Variants in ZEB1 observed in about 807,000 individuals in gnomAD.
The protein encoded by ZEB1 is zinc finger E-box-binding homeobox 1.
A neutral mutation model predicts 84.9 loss-of-function variants in ZEB1; 21 were observed. The observed-to-expected ratio is 0.25, with a 90% CI of 0.18 to 0.36. The LOEUF (loss-of-function observed/expected upper bound fraction) is 0.36, where lower values mean the gene tolerates loss of function less well. Ranked by LOEUF, ZEB1 falls within the 10% of genes least tolerant of loss-of-function variation. The pLI is 1.00. For synonymous variants in ZEB1, 420 were observed against 471.1 expected (o/e 0.89, Z 1.41); for missense variants, 1,104 against 1,330.2 (o/e 0.83, Z 2.65).
At chr10:31,403,004 G>T (rs1032400201) in intron 1 of ZEB1, among the ~76,000 whole-genome samples, 1 of 152,004 alleles carries the variant, frequency 6.6e-6, no homozygotes, top group African/African-American at 2.4e-5. Context: ...AAGAAATTCA[G>T]TACAAATATA....
At position 31,415,935 on chromosome 10, in the gene ZEB1, G is replaced by A. The variant is rs550812374; in HGVS notation, c.59-45102G>A. Among the ~76,000 whole-genome samples the A allele has an allele frequency of 1.2e-3, 185 of 152,108 alleles. 1 individual carries two copies. Among genetic ancestry groups the A allele is most frequent in the Admixed American group, 1.8e-3 (28 of 15,264 alleles). On this transcript the variant is annotated intron_variant, in intron 1 of 8. Coordinates refer to ENST00000424869, the MANE Select transcript of ZEB1 (RefSeq NM_001174096.2). ...TTGACATCCAAAAATTTAAGAGAGC[G>A]TTAGAACATGGGATATCTAATTGTT...
chr10:31,524,480 A>G lies in ZEB1; in HGVS notation c.2785+367A>G, dbSNP rs780205905. 5.9e-5 allele frequency among the ~76,000 whole-genome samples: 9 copies of G among 152,146 alleles called. 1 individual carries two copies. The highest frequency in any genetic ancestry group is 1.3e-4 in the Non-Finnish European group (9 of 68,020). On this transcript the variant is annotated intron_variant, in intron 8 of 8. Coordinates refer to ENST00000424869, the MANE Select transcript of ZEB1 (RefSeq NM_001174096.2). ...CACCTCGGCCTCCCAAAGTGCTGGT[A>G]TTACAGGCATGAGCCACCACGCTTG...
At chr10:31,440,556 G>C (rs1292900027) in intron 1 of ZEB1, among the ~76,000 whole-genome samples, 1 of 152,142 alleles carries the variant, frequency 6.6e-6, no homozygotes, top group African/African-American at 2.4e-5. Context: ...ATTCTGGCCA[G>C]GACAATCAGG....
At chr10:31,356,610 G>A (rs949049458) in intron 1 of ZEB1, among the ~76,000 whole-genome samples, 8 of 152,108 alleles carry the variant, frequency 5.3e-5, no homozygotes, top group African/African-American at 1.9e-4. Context: ...AAACATTTTG[G>A]AAACAGACTT....
intron 1 of ZEB1, among the ~76,000 whole-genome samples, chr10:31,439,001 A>G (rs1011942708): frequency 6.6e-6 from 1 of 152,222 alleles, no homozygotes. Flanking sequence ...TTCTTTGCAC[A>G]TTTAAAATAT....
chr10:31,489,143 C>G (rs1018934935), intron 2 of ZEB1, among the ~76,000 whole-genome samples: 1 of 151,140 alleles, frequency 6.6e-6, no homozygotes, highest in African/African-American at 2.4e-5. Flanking sequence ...TTTTAAAGCT[C>G]TGTTGTTAAA....
chr10:31,406,135 C>G (rs971393278), intron 1 of ZEB1, among the ~76,000 whole-genome samples: 1 of 152,058 alleles, frequency 6.6e-6, no homozygotes, highest in Non-Finnish European at 1.5e-5. Context: ...CTATTGTGAA[C>G]AGTGCTGCAG....
At chr10:31,361,665 A>C (rs1385034847) in intron 1 of ZEB1, among the ~76,000 whole-genome samples, 1 of 148,994 alleles carries the variant, frequency 6.7e-6, no homozygotes, top group Non-Finnish European at 1.5e-5. Context: ...GGTGCTCCTC[A>C]CTTTCCAGAC....
At chr10:31,355,703 T>C (rs1236273783) in intron 1 of ZEB1, among the ~76,000 whole-genome samples, 2 of 151,992 alleles carry the variant, frequency 1.3e-5, no homozygotes, top group Non-Finnish European at 2.9e-5. Context: ...GCAACAGAAA[T>C]AGCATCTACA....
chr10:31,404,576 A>G lies in ZEB1; in HGVS notation c.59-56461A>G, dbSNP rs541644282. 4.7e-4 allele frequency among the ~76,000 whole-genome samples: 71 copies of G among 152,128 alleles called. 1 individual carries two copies. Among genetic ancestry groups the G allele is most frequent in the Non-Finnish European group, 7.6e-4 (52 of 68,008 alleles). On this transcript the variant is annotated intron_variant, in intron 1 of 8. Transcript: ENST00000424869. Reference sequence around the variant, plus strand: ...CTTATTTTGACATAGTAATCACTTTATAGTTTTCTAGGAAGTTCATCTTTG... The same window carrying G: ...CTTATTTTGACATAGTAATCACTTTGTAGTTTTCTAGGAAGTTCATCTTTG...
intron 1 of ZEB1, among the ~76,000 whole-genome samples, chr10:31,325,549 A>C (rs559880391): frequency 6.6e-6 from 1 of 152,174 alleles, no homozygotes; most frequent in Admixed American, 6.5e-5. Flanking sequence ...AAAACCTTAC[A>C]GTATGGCAAC....
At chr10:31,426,414 G>A (rs774730036) in intron 1 of ZEB1, among the ~76,000 whole-genome samples, 1 of 152,012 alleles carries the variant, frequency 6.6e-6, no homozygotes, top group Non-Finnish European at 1.5e-5. Flanking sequence ...TCATTGACTC[G>A]TAGTTCCTTT....
intron 1 of ZEB1, among the ~76,000 whole-genome samples, chr10:31,390,911 A>G (rs533479410): frequency 1.3e-5 from 2 of 152,240 alleles, no homozygotes; most frequent in African/African-American, 4.8e-5. Context: ...TTTGAAGCAT[A>G]CAGTCACCTC....
chr10:31,345,620 G>A (rs2133719731), intron 1 of ZEB1, among the ~76,000 whole-genome samples: 1 of 152,230 alleles, frequency 6.6e-6, no homozygotes, highest in South Asian at 2.1e-4. Context: ...AGCAGGATAT[G>A]TAGGTAAACC....
intron 2 of ZEB1, among the ~76,000 whole-genome samples, chr10:31,464,258 C>G (rs1435570822): frequency 6.6e-6 from 1 of 151,856 alleles, no homozygotes; most frequent in Non-Finnish European, 1.5e-5. Context: ...GAGGCTGAGG[C>G]AGGAGAATGG....
At chr10:31,397,821 A>T (rs1490255621) in intron 1 of ZEB1, among the ~76,000 whole-genome samples, 1 of 152,176 alleles carries the variant, frequency 6.6e-6, no homozygotes, top group Non-Finnish European at 1.5e-5. Flanking sequence ...CCCTTTTTTT[A>T]AATGCCAATC....
intron 1 of ZEB1, among the ~76,000 whole-genome samples, chr10:31,327,605 T>C (rs545435716): frequency 6.6e-6 from 1 of 152,304 alleles, no homozygotes; most frequent in African/African-American, 2.4e-5. Flanking sequence ...AACATCCTCC[T>C]ACGTGTTGCT....
intron 1 of ZEB1, among the ~76,000 whole-genome samples, chr10:31,447,603 A>T (rs1451925801): frequency 5.1e-5 from 7 of 136,820 alleles, no homozygotes; most frequent in Non-Finnish European, 1.1e-4. Flanking sequence ...CTTTTAGGGC[A>T]GGCCTGCTGG....
intron 1 of ZEB1, among the ~76,000 whole-genome samples, chr10:31,344,680 C>T (rs559211446): frequency 6.6e-6 from 1 of 152,198 alleles, no homozygotes; most frequent in East Asian, 1.9e-4. Context: ...ACCTCATACA[C>T]TTTGTGTTAG....
Sources: gnomAD v4.1 joint callset for allele counts (sites outside exome capture counted in the v4.1 genomes callset) on GRCh38, gnomAD v4.1.1 for gene constraint, MANE v1.5 for transcripts, NCBI Gene and HGNC (gene_info 2026-07-23, HGNC 2026-07-21) for gene names.